ERAP1: variants seen among roughly 807,000 people sequenced by gnomAD.
ERAP1 encodes endoplasmic reticulum aminopeptidase 1.
A neutral mutation model predicts 103.7 loss-of-function variants in ERAP1; 86 were observed. The observed-to-expected ratio is 0.83, with a 90% CI of 0.70 to 0.99. ERAP1 has a LOEUF of 0.99. Ranked by LOEUF, ERAP1 falls within the 50% of genes least tolerant of loss-of-function variation. ERAP1 has a pLI of 0.00. For synonymous variants in ERAP1, 398 were observed against 402.4 expected (o/e 0.99, Z 0.13); for missense variants, 1,009 against 1,128.4 (o/e 0.89, Z 1.52).
chr5:96,813,119 G>A, the ERAP1 span, among the ~76,000 whole-genome samples: 1 of 152,146 alleles, frequency 6.6e-6, no homozygotes, highest in African/African-American at 2.4e-5. Context: ...TAGGAATGCT[G>A]ACTTTATCTG....
At chr5:96,904,131 T>C in the ERAP1 span, among the ~76,000 whole-genome samples, 1 of 152,216 alleles carries the variant, frequency 6.6e-6, no homozygotes, top group South Asian at 2.1e-4. Context: ...CTGGAGAAAT[T>C]AGTATGACGT....
chr5:96,790,525 T>C lies in ERAP1; in HGVS notation c.1439A>G (p.Asp480Gly). ...AAACATACTCACACTTGCCATACTA[T>C]CCCACAGGTCCTCGTTTTTTGTATT... ...YKNTKNEDLW[D>G]SMASICPTDG... is the part of the protein sequence containing the mutation. Residue 480 changes from aspartate (D) to glycine (G), a missense_variant, in exon 9 of 19, where the codon GAT (aspartate) becomes GGT (glycine). Coordinates refer to ENST00000443439, the MANE Select transcript of ERAP1 (RefSeq NM_001040458.3). 1.2e-6 allele frequency: 2 copies of C among 1,613,952 alleles called. No individual in the cohort carries two copies. Among genetic ancestry groups the C allele is most frequent in the Non-Finnish European group, 8.5e-7 (1 of 1,179,894 alleles).
At chr5:96,925,201 T>C in the ERAP1 span, among the ~76,000 whole-genome samples, 9 of 152,272 alleles carry the variant, frequency 5.9e-5, no homozygotes, top group African/African-American at 1.7e-4. Context: ...CATACAATAG[T>C]AACAGCAAAT....
At chr5:96,862,932 C>T in the ERAP1 span, among the ~76,000 whole-genome samples, 1 of 152,176 alleles carries the variant, frequency 6.6e-6, no homozygotes, top group East Asian at 1.9e-4. Context: ...ATGCCTTGGA[C>T]CTTTCAGAGC....
At chr5:96,860,955 TTTTC>T in the ERAP1 span, among the ~76,000 whole-genome samples, 2 of 151,162 alleles carry the variant, frequency 1.3e-5, no homozygotes, top group Admixed American at 1.3e-4. Context: ...TAGAGCTTTC[TTTTC>T]TTTCTTTTTT....
chr5:96,856,924 T>C, the ERAP1 span, among the ~76,000 whole-genome samples: 7,415 of 152,140 alleles, frequency 0.049, 219 homozygotes, highest in South Asian at 0.11. Context: ...CCTTCTTCTC[T>C]TCTCCAGATC....
At chr5:96,883,853 GA>G in the ERAP1 span, 1 of 1,613,700 alleles carries the variant, frequency 6.2e-7, no homozygotes, top group East Asian at 2.2e-5. Flanking sequence ...TTGCTTTGAT[GA>G]ACCGTTGTTC....
chr5:96,859,588 G>A, the ERAP1 span, among the ~76,000 whole-genome samples: 1 of 152,168 alleles, frequency 6.6e-6, no homozygotes, highest in African/African-American at 2.4e-5. Context: ...GGACAGAGCT[G>A]AGAGGCTAGA....
chr5:96,775,565 T>C lies in ERAP1; in HGVS notation c.*831A>G, dbSNP rs185063109. The C allele has an allele frequency of 1.3e-3, 1,290 of 963,650 alleles. 4 individuals carry two copies. In the East Asian group the frequency reaches 0.022, roughly 17 times the overall value. The allele number at this position is 963,650 out of a possible 1,614,324, so 59.7% of individuals were successfully genotyped here. On this transcript the variant is annotated 3_prime_UTR_variant, in exon 19 of 19. Transcript: ENST00000443439. ...TCAGAATTATCTGAGGAGGGTTCTATAAAAAGATTTTTTGCAAAAGTGCGA... is the reference window on the plus strand; with the variant it reads ...TCAGAATTATCTGAGGAGGGTTCTACAAAAAGATTTTTTGCAAAAGTGCGA...
At chr5:96,820,472 G>A in the ERAP1 span, among the ~76,000 whole-genome samples, 1 of 152,218 alleles carries the variant, frequency 6.6e-6, no homozygotes, top group Non-Finnish European at 1.5e-5. Flanking sequence ...ATATACTTCA[G>A]ATTTGAATGT....
At chr5:96,838,207 T>A in the ERAP1 span, among the ~76,000 whole-genome samples, 1 of 152,224 alleles carries the variant, frequency 6.6e-6, no homozygotes, top group Non-Finnish European at 1.5e-5. Flanking sequence ...TCCTGCCTCC[T>A]GTCCCTATCA....
chr5:96,763,139 A>G (rs1038110474), exon 20 of ERAP1: 13 of 780,254 alleles, frequency 1.7e-5, no homozygotes, highest in Middle Eastern at 2.3e-4. Context: ...CTATGCTTCC[A>G]TTCCGTTTGA....
chr5:96,901,562 C>A, the ERAP1 span: 1 of 1,614,086 alleles, frequency 6.2e-7, no homozygotes, highest in Non-Finnish European at 8.5e-7. Context: ...CATGGACTCT[C>A]CAGAAAGGAA....
the ERAP1 span, among the ~76,000 whole-genome samples, chr5:96,863,386 G>A: frequency 1.3e-5 from 2 of 152,122 alleles, no homozygotes; most frequent in Non-Finnish European, 2.9e-5. Context: ...AAGTTAAGCG[G>A]TTTCTCTCAG....
chr5:96,821,894 G>A, the ERAP1 span, among the ~76,000 whole-genome samples: 1 of 152,220 alleles, frequency 6.6e-6, no homozygotes, highest in Non-Finnish European at 1.5e-5. Context: ...AGACTTGTTG[G>A]TGGAAAGGCT....
chr5:96,783,154 G>A lies in ERAP1; in HGVS notation c.2182C>T (p.Arg728Trp), dbSNP rs1453021541. ...CAGGCGAGGAGTAGTAGTTGACTCC[G>A]CAGCATTCGCTCTGAGACTGAGCCC... ...DEGSVSERMLRSQLLLLACVH... is the reference protein window; with the variant it reads ...DEGSVSERMLWSQLLLLACVH... Residue 728 changes from arginine (R) to tryptophan (W), a missense_variant, in exon 15 of 19, where the codon CGG becomes TGG. Arg to Trp is a moderately radical substitution (Grantham distance 101, BLOSUM62 -3). This residue lies in a region of ERAP1 where 611 missense variants were observed against 651.7 expected (regional missense o/e 0.94). Coordinates refer to ENST00000443439, the MANE Select transcript of ERAP1 (RefSeq NM_001040458.3). 7.4e-6 allele frequency: 12 copies of A among 1,614,004 alleles called. No individual in the cohort carries two copies. The highest frequency in any genetic ancestry group is 5.0e-5 in the Admixed American group (3 of 59,996).
the ERAP1 span, among the ~76,000 whole-genome samples, chr5:96,826,003 T>C: frequency 6.6e-6 from 1 of 152,228 alleles, no homozygotes; most frequent in Admixed American, 6.5e-5. Context: ...GTAACATCAG[T>C]TCAGTTTAGT....
At position 96,775,142 on chromosome 5, in the gene ERAP1, C is replaced by CTGACT. The variant is rs1324586443; in HGVS notation, c.*1249_*1253dup. On this transcript the variant is annotated 3_prime_UTR_variant, in exon 19 of 19. Coordinates refer to ENST00000443439, the MANE Select transcript of ERAP1 (RefSeq NM_001040458.3). ...TAAAATCTAATTCTTAGGGTATTAA[C>CTGACT]TGACTTGACTTGAACTCCGTTGGTT... 1.2e-5 allele frequency: 12 copies of CTGACT among 985,376 alleles called. No homozygotes were observed. In the African/African-American group the frequency reaches 1.4e-4, roughly 11 times the overall value. The allele number at this position is 985,376 out of a possible 1,614,324, so 61.0% of individuals were successfully genotyped here.
the ERAP1 span, among the ~76,000 whole-genome samples, chr5:96,932,901 G>GTAT: frequency 8.0e-4 from 121 of 152,158 alleles, 2 homozygotes; most frequent in African/African-American, 2.7e-3. Flanking sequence ...ACAGTAGATG[G>GTAT]GTATAGTAGA....
Sources: allele counts gnomAD v4.1 joint callset (sites outside exome capture counted in the v4.1 genomes callset), GRCh38; gene constraint gnomAD v4.1.1; regional missense constraint gnomAD v4.1.1; transcripts MANE v1.5; gene names NCBI Gene and HGNC (gene_info 2026-07-23, HGNC 2026-07-21).